The following MYT1L variants were observed in gnomAD, a reference collection of about 807,000 sequenced individuals.
MYT1L encodes the protein myelin transcription factor 1 like.
Under a neutral mutation model 126.7 loss-of-function variants are expected in MYT1L, and 12 were observed. The observed-to-expected ratio is 0.09, with a 90% CI of 0.06 to 0.15. The LOEUF is 0.15. Ranked by LOEUF, MYT1L falls within the 10% of genes least tolerant of loss-of-function variation. The pLI is 1.00. For missense variants in MYT1L, 979 were observed against 1,585.2 expected (o/e 0.62, Z 6.49); for synonymous variants, 541 against 604.2 (o/e 0.90, Z 1.53).
At chr2:2,253,584 G>A (rs1231549961) in intron 2 of MYT1L, among the ~76,000 whole-genome samples, 2 of 152,170 alleles carry the variant, frequency 1.3e-5, no homozygotes, top group African/African-American at 2.4e-5. Flanking sequence ...ACAGGATCAC[G>A]GAAGAGAAAT....
chr2:2,109,875 TTATATATATA>T (rs58549168), intron 3 of MYT1L, among the ~76,000 whole-genome samples: 2,581 of 63,770 alleles, frequency 0.04, 100 homozygotes, highest in Admixed American at 0.12. Context: ...AGTGCTGATT[TTATATATATA>T]TATATATATA....
intron 1 of MYT1L, among the ~76,000 whole-genome samples, chr2:2,315,420 T>C (rs1043967448): frequency 2.0e-5 from 3 of 152,218 alleles, no homozygotes; most frequent in African/African-American, 7.2e-5. Context: ...TTAAACAGTA[T>C]ATATCCTAGA....
intron 1 of MYT1L, among the ~76,000 whole-genome samples, chr2:2,315,367 T>G (rs147614268): frequency 6.6e-6 from 1 of 152,316 alleles, no homozygotes; most frequent in African/African-American, 2.4e-5. Context: ...ATCATCAATA[T>G]ATTCTCTGTC....
At chr2:1,886,510 A>C (rs749818873) in intron 18 of MYT1L, 29 bp downstream of exon 18, 9 of 1,510,590 alleles carry the variant, frequency 6.0e-6, no homozygotes, top group Middle Eastern at 1.7e-4. Flanking sequence ...ATGGATTTTT[A>C]AAAGAGAATT....
chr2:1,797,369 GC>G (rs1399516434), intron 23 of MYT1L, among the ~76,000 whole-genome samples: 1 of 152,138 alleles, frequency 6.6e-6, no homozygotes, highest in Non-Finnish European at 1.5e-5. Context: ...GACTACAGGC[GC>G]CCGCCACCAC....
intron 4 of MYT1L, among the ~76,000 whole-genome samples, chr2:2,044,753 C>T (rs939772971): frequency 6.6e-6 from 1 of 152,152 alleles, no homozygotes; most frequent in Admixed American, 6.5e-5. Flanking sequence ...GTATACAGGC[C>T]AGCACTTTAA....
chr2:2,283,384 G>C (rs571593797), intron 2 of MYT1L, among the ~76,000 whole-genome samples: 1 of 152,160 alleles, frequency 6.6e-6, no homozygotes, highest in Middle Eastern at 3.2e-3. Context: ...GCAGTTTGAC[G>C]TTAATGCAAA....
chr2:2,013,069 A>G (rs2063996313), intron 4 of MYT1L, among the ~76,000 whole-genome samples: 1 of 152,214 alleles, frequency 6.6e-6, no homozygotes, highest in African/African-American at 2.4e-5. Context: ...TCCCACAGAT[A>G]CAGGAGAACA....
At chr2:1,971,600 A>T (rs963403767) in intron 8 of MYT1L, among the ~76,000 whole-genome samples, 11 of 152,164 alleles carry the variant, frequency 7.2e-5, no homozygotes, top group African/African-American at 4.8e-5. Flanking sequence ...GCGTGGTGGC[A>T]TGCACCTGTA....
chr2:2,266,024 G>A (rs2095120949), intron 2 of MYT1L, among the ~76,000 whole-genome samples: 2 of 152,160 alleles, frequency 1.3e-5, no homozygotes, highest in South Asian at 2.1e-4. Flanking sequence ...GTCTGCGGGG[G>A]CAATCAGCAG....
intron 3 of MYT1L, among the ~76,000 whole-genome samples, chr2:2,172,035 T>C (rs913397336): frequency 6.6e-6 from 1 of 152,206 alleles, no homozygotes; most frequent in Non-Finnish European, 1.5e-5. Flanking sequence ...TATATAAAAG[T>C]ACTTCTAAAT....
At chr2:2,319,915 C>T (rs2096131673) in intron 1 of MYT1L, among the ~76,000 whole-genome samples, 2 of 151,948 alleles carry the variant, frequency 1.3e-5, no homozygotes, top group Admixed American at 6.6e-5. Context: ...TCAGTTATGG[C>T]ACTAAGAGGG....
intron 4 of MYT1L, among the ~76,000 whole-genome samples, chr2:1,997,953 G>A (rs975688113): frequency 1.3e-5 from 2 of 152,200 alleles, no homozygotes; most frequent in African/African-American, 2.4e-5. Context: ...TACTCAGAGA[G>A]TATCAGAGAG....
At chr2:2,290,953 C>T (rs1278632966) in intron 1 of MYT1L, among the ~76,000 whole-genome samples, 2 of 152,136 alleles carry the variant, frequency 1.3e-5, no homozygotes, top group Non-Finnish European at 2.9e-5. Flanking sequence ...ACAACCACTT[C>T]CTCCATTAGA....
intron 14 of MYT1L, among the ~76,000 whole-genome samples, chr2:1,899,302 C>G (rs767525506): frequency 6.6e-6 from 1 of 152,262 alleles, no homozygotes; most frequent in Non-Finnish European, 1.5e-5. Flanking sequence ...GTGCCAACGG[C>G]ACCCTATGCA....
At chr2:1,986,852 C>T (rs992914692) in intron 5 of MYT1L, among the ~76,000 whole-genome samples, 2 of 152,292 alleles carry the variant, frequency 1.3e-5, no homozygotes, top group Middle Eastern at 6.8e-3. Context: ...GCTGGAGCCT[C>T]TTTCAGATGT....
chr2:2,328,069 T>C (rs752684902), intron 1 of MYT1L, among the ~76,000 whole-genome samples: 12 of 152,208 alleles, frequency 7.9e-5, no homozygotes, highest in Non-Finnish European at 1.6e-4. Flanking sequence ...AATTGGCTTT[T>C]AAAAATTATA....
In MYT1L at chr2:1,996,582, C is replaced by G. The variant is rs1039185787; in HGVS notation, c.-1+609G>C. 5.0e-5 allele frequency among the ~76,000 whole-genome samples: 7 copies of G among 138,746 alleles called. 1 individual carries two copies. The highest frequency in any genetic ancestry group is 1.6e-4 in the African/African-American group (6 of 36,644). The allele number at this position is 138,746 out of a possible 152,430, so 91.0% of individuals were successfully genotyped here. On this transcript the variant is annotated intron_variant, in intron 5 of 24. Transcript: ENST00000647738. ...CCGAGTGTAGACGGGCTGCCTTTAC[C>G]TAGTGAGTGAGGGCCGCCCTGCCTC...
chr2:2,283,043 C>T (rs947277427), intron 2 of MYT1L, among the ~76,000 whole-genome samples: 2 of 152,184 alleles, frequency 1.3e-5, no homozygotes, highest in African/African-American at 2.4e-5. Flanking sequence ...CCACTGCACT[C>T]CAGCCTGGGT....
Sources: allele counts gnomAD v4.1 joint callset (sites outside exome capture counted in the v4.1 genomes callset), GRCh38; gene constraint gnomAD v4.1.1; transcripts MANE v1.5; gene names NCBI Gene and HGNC (gene_info 2026-07-23, HGNC 2026-07-21).